The following LAMC3 variants were observed in gnomAD, a reference collection of about 807,000 sequenced individuals.
The protein encoded by LAMC3 is laminin subunit gamma 3, also known as laminin subunit gamma-3.
In LAMC3, 128 loss-of-function variants were observed where a neutral mutation model predicts 173.8. The observed-to-expected ratio is 0.74, with a 90% CI of 0.64 to 0.85. LAMC3 has a LOEUF of 0.85. Among genes scored for constraint, LAMC3 ranks in the 40% least tolerant of loss-of-function variants. LAMC3 has a pLI of 0.00. For missense variants in LAMC3, 2,022 were observed against 2,156.0 expected, an observed-to-expected ratio of 0.94 and a Z score of 1.23; for synonymous variants, 897 against 909.1, an observed-to-expected ratio of 0.99 and a Z score of 0.24.
chr9:131,012,171 G>A (rs1833427736), intron 1 of LAMC3, among the ~76,000 whole-genome samples: 1 of 152,160 alleles, frequency 6.6e-6, no homozygotes, highest in African/African-American at 2.4e-5. Flanking sequence ...GAGTCCACAA[G>A]TGTGAGTGAC....
intron 3 of LAMC3, among the ~76,000 whole-genome samples, chr9:131,032,449 C>CCCTT (rs1554784003): frequency 1.3e-5 from 2 of 151,434 alleles, no homozygotes; most frequent in African/African-American, 4.9e-5. Flanking sequence ...CTCCCTCCCT[C>CCCTT]CCTCCCTTCC....
chr9:131,021,021 C>T (rs913231098), intron 1 of LAMC3: 1 of 152,122 alleles, frequency 6.6e-6, no homozygotes, highest in Non-Finnish European at 1.5e-5. Flanking sequence ...CTTTTGTAAG[C>T]GTAATCAACC....
chr9:131,080,630 G>A (rs1168997600), intron 23 of LAMC3, among the ~76,000 whole-genome samples: 1 of 152,166 alleles, frequency 6.6e-6, no homozygotes, highest in East Asian at 1.9e-4. Flanking sequence ...TGAGGCATGA[G>A]AATGTATCTG....
rs1391729059 is a variant in LAMC3, at chr9:131,068,940, A to T, written c.2780A>T (p.Asp927Val). The T allele has an allele frequency of 6.2e-6, 10 of 1,613,942 alleles. No individual in the cohort carries two copies. Among genetic ancestry groups the T allele is most frequent in the Middle Eastern group, 3.3e-4 (2 of 6,056 alleles). Residue 927 changes from aspartate to valine, a missense_variant, in exon 16 of 28, where the codon GAC becomes GTC. Coordinates refer to ENST00000361069, the MANE Select transcript of LAMC3 (RefSeq NM_006059.4). ...CKCHPLGSQE[D>V]QCHPKTGQCT... ...TGTCACCCACTGGGCTCCCAGGAGG[A>T]CCAGTGCCATCCCAAGACTGGACAG...
In LAMC3 at chr9:131,026,405, C is replaced by T; in HGVS notation, c.494C>T (p.Ala165Val). 1 of 1,614,098 alleles carries T rather than the reference C, an allele frequency of 6.2e-7. No individual in the cohort carries two copies. The highest frequency in any genetic ancestry group is 1.1e-5 in the South Asian group (1 of 91,092). The change falls in exon 2 of 28, where the codon GCC becomes GTC. Residue 165 changes from alanine (A) to valine (V), a missense_variant. Coordinates refer to ENST00000361069, the MANE Select transcript of LAMC3 (RefSeq NM_006059.4). This position sits in a 1 kb window ranked among gnomAD's most constrained non-coding sequence, Gnocchi z 4.8. Reference sequence around the variant, plus strand: ...TGGGAGCCCTACCAGTTCTACAGCGCCTCCTGCCAGAAGACCTACGGCCGG... The same window carrying T: ...TGGGAGCCCTACCAGTTCTACAGCGTCTCCTGCCAGAAGACCTACGGCCGG... ...GPWEPYQFYSASCQKTYGRPE... is the reference protein window; with the variant it reads ...GPWEPYQFYSVSCQKTYGRPE...
intron 1 of LAMC3, among the ~76,000 whole-genome samples, chr9:131,011,280 G>A (rs1452291968): frequency 6.6e-6 from 1 of 152,232 alleles, no homozygotes; most frequent in Non-Finnish European, 1.5e-5. Flanking sequence ...GATTAGGGAT[G>A]ATGGGACTGT....
At chr9:131,039,781 C>T (rs1187409853) in intron 6 of LAMC3, among the ~76,000 whole-genome samples, 1 of 151,790 alleles carries the variant, frequency 6.6e-6, no homozygotes, top group Non-Finnish European at 1.5e-5. Flanking sequence ...CTTCGGGGTT[C>T]TCTGGGCCTC....
At chr9:131,037,953 GC>G (rs1474397949) in intron 4 of LAMC3, among the ~76,000 whole-genome samples, 1 of 152,136 alleles carries the variant, frequency 6.6e-6, no homozygotes, top group Non-Finnish European at 1.5e-5. Flanking sequence ...TGCACTGCAG[GC>G]CCCCCACTGC....
intron 3 of LAMC3, among the ~76,000 whole-genome samples, chr9:131,032,464 T>TTCGCTC: frequency 2.1e-5 from 3 of 146,038 alleles, no homozygotes; most frequent in Admixed American, 2.0e-4. Context: ...CCTTCCTCCC[T>TTCGCTC]TCGCTCTCGC....
chr9:131,026,331 T>A lies in LAMC3; in HGVS notation c.420T>A (p.Ser140Arg), dbSNP rs777468391. Residue 140 changes from serine (S) to arginine (R), a missense_variant, in exon 2 of 28, where the codon AGT becomes AGA. Ser to Arg is a moderately radical substitution (Grantham distance 110). Transcript: ENST00000361069. This position sits in a 1 kb window ranked among gnomAD's most constrained non-coding sequence, Gnocchi z 4.8. ...ITYVRLKFHT[S>R]RPESFAIYKR... ...ATGTGAGGCTGAAGTTCCACACCAG[T>A]CGCCCTGAGAGCTTTGCCATCTACA... The A allele has an allele frequency of 5.6e-6, 9 of 1,614,142 alleles. No homozygotes were observed. Among genetic ancestry groups the A allele is most frequent in the Non-Finnish European group, 7.6e-6 (9 of 1,180,022 alleles).
At chr9:131,078,351 G>T (rs2133338089) in intron 22 of LAMC3, among the ~76,000 whole-genome samples, 1 of 152,232 alleles carries the variant, frequency 6.6e-6, no homozygotes, top group South Asian at 2.1e-4. Context: ...AATTAGCCAG[G>T]CATGGTGGCG....
intron 1 of LAMC3, among the ~76,000 whole-genome samples, chr9:131,023,556 TG>T (rs2133221623): frequency 6.6e-6 from 1 of 152,364 alleles, no homozygotes; most frequent in Non-Finnish European, 1.5e-5. Flanking sequence ...TTGTGTTTCT[TG>T]GCCATTCATA....
chr9:131,082,469 C>A (rs762974985), intron 24 of LAMC3, among the ~76,000 whole-genome samples: 1 of 152,314 alleles, frequency 6.6e-6, no homozygotes, highest in South Asian at 2.1e-4. Flanking sequence ...TCCACTCTGG[C>A]CTGGGCTCCA....
At chr9:131,012,839 G>A (rs1159896126) in intron 1 of LAMC3, among the ~76,000 whole-genome samples, 2 of 152,250 alleles carry the variant, frequency 1.3e-5, no homozygotes, top group African/African-American at 4.8e-5. Context: ...ATGGGGTGAG[G>A]GGCAGGGAAG....
At chr9:131,035,712 A>G (rs542302515) in intron 3 of LAMC3, among the ~76,000 whole-genome samples, 1 of 152,208 alleles carries the variant, frequency 6.6e-6, no homozygotes, top group Non-Finnish European at 1.5e-5. Flanking sequence ...TTTCGGACAC[A>G]GTTGAGGGAT....
Position 131,082,178 on chromosome 9 carries a change from G to A in LAMC3, c.4030+17G>A. ...ATCTGGAAGGTACGTGAGTCCAGCT[G>A]ACCACTAGGCTGTGTAATGACGAAC... On this transcript the variant is annotated intron_variant, in intron 24 of 27. Transcript: ENST00000361069. 6.3e-7 allele frequency: 1 copy of A among 1,584,818 alleles called. No individual in the cohort carries two copies. The highest frequency in any genetic ancestry group is 8.7e-7 in the Non-Finnish European group (1 of 1,155,394).
intron 4 of LAMC3, among the ~76,000 whole-genome samples, chr9:131,037,507 T>C (rs1213854229): frequency 1.3e-5 from 2 of 152,140 alleles, no homozygotes; most frequent in African/African-American, 4.8e-5. Context: ...TAACTGCAGC[T>C]AAGGCTCTTT....
intron 17 of LAMC3, among the ~76,000 whole-genome samples, chr9:131,070,748 A>G (rs1830024720): frequency 6.6e-6 from 1 of 152,164 alleles, no homozygotes; most frequent in Admixed American, 6.6e-5. Flanking sequence ...TGAATATCAC[A>G]TAATCCCCCA....
intron 1 of LAMC3, among the ~76,000 whole-genome samples, chr9:131,019,439 A>C (rs1833589878): frequency 6.6e-6 from 1 of 152,160 alleles, no homozygotes; most frequent in East Asian, 1.9e-4. Flanking sequence ...TGTACCTTCA[A>C]GGAGTTTATA....
Sources: gnomAD v4.1 joint callset for allele counts (sites outside exome capture counted in the v4.1 genomes callset) on GRCh38, gnomAD v4.1.1 for gene constraint, Gnocchi (gnomAD v3.1) non-coding constraint, MANE v1.5 for transcripts, NCBI Gene and HGNC (gene_info 2026-07-23, HGNC 2026-07-21) for gene names.